The following MYOM1 variants were observed in gnomAD, a reference collection of about 807,000 sequenced individuals.
MYOM1 encodes the protein myomesin 1.
In MYOM1, 164 loss-of-function variants were observed where a neutral mutation model predicts 205.3. That is an observed-to-expected ratio of 0.80 (90% CI 0.70 to 0.91). The LOEUF (loss-of-function observed/expected upper bound fraction) is 0.91. Ranked by LOEUF, MYOM1 falls within the 40% of genes least tolerant of loss-of-function variation. The pLI, the probability that MYOM1 is intolerant of heterozygous loss-of-function variation, is 0.00. For missense variants in MYOM1, 2,011 were observed against 2,127.3 expected (o/e 0.95, Z 1.08); for synonymous variants, 772 against 789.4 (o/e 0.98, Z 0.37).
intron 5 of MYOM1, among the ~76,000 whole-genome samples, chr18:3,180,811 C>T (rs1356461508): frequency 6.6e-6 from 1 of 152,154 alleles, no homozygotes; most frequent in Non-Finnish European, 1.5e-5. Context: ...GGATGTTGGG[C>T]CGAGTTTATA....
chr18:3,201,431 AT>A (rs1373130433), intron 2 of MYOM1, among the ~76,000 whole-genome samples: 3 of 152,070 alleles, frequency 2.0e-5, no homozygotes, highest in Non-Finnish European at 2.9e-5. Context: ...ACTAAAGGTA[AT>A]TTAATTGTAA....
At position 3,111,554 on chromosome 18, in the gene MYOM1, G is replaced by C. The variant is rs930535438; in HGVS notation, c.3418+744C>G. 2.6e-5 allele frequency among the ~76,000 whole-genome samples: 4 copies of C among 152,136 alleles called. No individual in the cohort carries two copies. In the South Asian group the frequency reaches 8.3e-4, roughly 31 times the overall value. ...TGGCCCATTACCTCTTTTTGCAAGG[G>C]CTGCAAGCTAAGAATGGTTTTTATA... On this transcript the variant is annotated intron_variant, in intron 22 of 37. Transcript: ENST00000356443.
intron 14 of MYOM1, among the ~76,000 whole-genome samples, chr18:3,138,968 A>C (rs973053003): frequency 6.6e-6 from 1 of 152,154 alleles, no homozygotes; most frequent in Non-Finnish European, 1.5e-5. Flanking sequence ...TCTATGCCTC[A>C]GTTTCCTCAT....
At chr18:3,137,029 C>T (rs948120486) in intron 14 of MYOM1, among the ~76,000 whole-genome samples, 2 of 151,616 alleles carry the variant, frequency 1.3e-5, no homozygotes, top group South Asian at 2.1e-4. Flanking sequence ...CGGCTCACTG[C>T]AAGCTCCGCC....
chr18:3,085,226 CTGCTTTTTTTTTTTTTTTTTTT>C, intron 30 of MYOM1, 94 bp from the exon 31 acceptor site: 2 of 203,002 alleles, frequency 9.9e-6, no homozygotes, highest in South Asian at 6.0e-5. Flanking sequence ...TCTGCTGCTG[CTGCTTTTTTTTTTTTTTTTTTT>C]TTTTTTTTTT....
intron 10 of MYOM1, among the ~76,000 whole-genome samples, chr18:3,161,749 C>G (rs1050110080): frequency 3.3e-5 from 5 of 152,206 alleles, no homozygotes; most frequent in African/African-American, 1.2e-4. Context: ...CACTGGAAGA[C>G]CTATAAGCTA....
At chr18:3,128,658 T>C (rs2079830422) in intron 18 of MYOM1, among the ~76,000 whole-genome samples, 1 of 152,132 alleles carries the variant, frequency 6.6e-6, no homozygotes, top group South Asian at 2.1e-4. Flanking sequence ...GCTATTTAGA[T>C]TATTATTATT....
At chr18:3,101,354 G>C (rs1268413822) in intron 23 of MYOM1, among the ~76,000 whole-genome samples, 1 of 152,174 alleles carries the variant, frequency 6.6e-6, no homozygotes, top group African/African-American at 2.4e-5. Flanking sequence ...ACAAAGCTTG[G>C]TAAGCTTTTG....
chr18:3,146,745 T>C (rs1203227919), intron 13 of MYOM1, among the ~76,000 whole-genome samples: 1 of 151,952 alleles, frequency 6.6e-6, no homozygotes, highest in East Asian at 1.9e-4. Context: ...TATTCAACAT[T>C]GTACTAAAGG....
At chr18:3,228,617 T>C in the MYOM1 span, among the ~76,000 whole-genome samples, 1 of 152,196 alleles carries the variant, frequency 6.6e-6, no homozygotes, top group Non-Finnish European at 1.5e-5. The surrounding 1 kb of genome is among the most constrained non-coding windows in gnomAD (Gnocchi z 4.5). Flanking sequence ...AGCAATAAAA[T>C]TGACACACCA....
intron 22 of MYOM1, 84 bp downstream of exon 22, chr18:3,112,214 T>G: frequency 9.3e-7 from 1 of 1,080,492 alleles, no homozygotes; most frequent in Non-Finnish European, 1.4e-6. Flanking sequence ...GTTTTGAAAA[T>G]TAGAGGAAAG....
chr18:3,081,020 TA>T (rs1256661266), intron 33 of MYOM1, among the ~76,000 whole-genome samples: 1 of 151,566 alleles, frequency 6.6e-6, no homozygotes, highest in East Asian at 2.0e-4. Context: ...TAATCCCAGC[TA>T]TTTGGGAAGC....
chr18:3,087,688 C>T (rs1412592163), intron 29 of MYOM1, among the ~76,000 whole-genome samples: 1 of 152,088 alleles, frequency 6.6e-6, no homozygotes, highest in Admixed American at 6.5e-5. Flanking sequence ...CGGGGTTTCA[C>T]CATGTTGGCC....
chr18:3,090,537 C>T, intron 27 of MYOM1, 121 bp downstream of exon 27: 1 of 1,312,550 alleles, frequency 7.6e-7, no homozygotes, highest in Non-Finnish European at 1.1e-6. Flanking sequence ...GTATTTTGAA[C>T]ATTAGAAGTC....
intron 37 of MYOM1, among the ~76,000 whole-genome samples, chr18:3,067,852 ACTTTCT>A (rs1289439892): frequency 1.3e-5 from 2 of 151,564 alleles, no homozygotes; most frequent in African/African-American, 4.9e-5. Context: ...CCCCATTTTC[ACTTTCT>A]CTTTCATAAA....
intron 8 of MYOM1, among the ~76,000 whole-genome samples, chr18:3,169,961 G>A (rs2080532337): frequency 6.6e-6 from 1 of 151,684 alleles, no homozygotes; most frequent in South Asian, 2.1e-4. Context: ...ATGTTATTCA[G>A]CAAAAAAAAA....
chr18:3,083,431 T>C (rs1207469715), intron 33 of MYOM1, among the ~76,000 whole-genome samples: 8 of 121,216 alleles, frequency 6.6e-5, no homozygotes, highest in African/African-American at 2.1e-4. Flanking sequence ...CTTTTTCTTT[T>C]TTTTTTTTTT....
intron 13 of MYOM1, among the ~76,000 whole-genome samples, chr18:3,142,569 C>T (rs2080066651): frequency 6.7e-6 from 1 of 148,620 alleles, no homozygotes; most frequent in African/African-American, 2.5e-5. Flanking sequence ...CTGCAGCCAG[C>T]CCCATTGCTC....
In MYOM1 at chr18:3,071,878, C is replaced by T. The variant is rs1408010275; in HGVS notation, c.4720G>A (p.Val1574Met). ...AAIAEKNRAR[V>M]LGGLPDVVTI... is the part of the protein sequence containing the mutation. Reference sequence around the variant, plus strand: ...ACCACGTCTGGGAGACCTCCCAACACCCGGGCACGATCTGCAAGCATAGGC... The same window carrying T: ...ACCACGTCTGGGAGACCTCCCAACATCCGGGCACGATCTGCAAGCATAGGC... Residue 1574 changes from valine (V) to methionine (M), a missense_variant, in exon 37 of 38, where the codon GTG (valine) becomes ATG (methionine). Transcript: ENST00000356443. The T allele has an allele frequency of 1.9e-6, 3 of 1,605,180 alleles. No individual in the cohort carries two copies. Among genetic ancestry groups the T allele is most frequent in the Non-Finnish European group, 2.6e-6 (3 of 1,175,850 alleles).
Sources: gnomAD v4.1 joint callset for allele counts (sites outside exome capture counted in the v4.1 genomes callset) on GRCh38, gnomAD v4.1.1 for gene constraint, Gnocchi (gnomAD v3.1) non-coding constraint, MANE v1.5 for transcripts, NCBI Gene and HGNC (gene_info 2026-07-23, HGNC 2026-07-21) for gene names.